The following GALNT18 variants were observed in gnomAD, a reference collection of about 807,000 sequenced individuals.
The protein encoded by GALNT18 is GalNAc-transferase 18.
A neutral mutation model predicts 69.5 loss-of-function variants in GALNT18; 44 were observed. The observed-to-expected ratio is 0.63, with a 90% CI of 0.50 to 0.81. The LOEUF (loss-of-function observed/expected upper bound fraction) is 0.81, where lower values mean the gene tolerates loss of function less well. Ranked by LOEUF, GALNT18 falls within the 40% of genes least tolerant of loss-of-function variation. GALNT18 has a pLI of 0.00. For missense variants in GALNT18, 715 were observed against 810.0 expected (o/e 0.88, Z 1.42); for synonymous variants, 364 against 318.2 (o/e 1.14, Z -1.53).
intron 1 of GALNT18, among the ~76,000 whole-genome samples, chr11:11,588,031 C>T (rs1159757720): frequency 1.3e-5 from 2 of 152,076 alleles, no homozygotes; most frequent in Non-Finnish European, 2.9e-5. Flanking sequence ...AACCCTTTCC[C>T]CAACTTTCTG....
intron 1 of GALNT18, among the ~76,000 whole-genome samples, chr11:11,479,352 G>A (rs1020017149): frequency 3.3e-5 from 5 of 152,182 alleles, no homozygotes; most frequent in Non-Finnish European, 5.9e-5. Context: ...GGAGGTATGT[G>A]TTTTAAGGAG....
At chr11:11,551,938 G>A (rs1858205663) in intron 1 of GALNT18, among the ~76,000 whole-genome samples, 1 of 152,252 alleles carries the variant, frequency 6.6e-6, no homozygotes, top group East Asian at 1.9e-4. Flanking sequence ...AAGGGTGGGG[G>A]AGATTACAAA....
At chr11:11,379,388 G>C in intron 3 of GALNT18, 124 bp from the exon 4 acceptor site, 1 of 920,690 alleles carries the variant, frequency 1.1e-6, no homozygotes, top group South Asian at 1.7e-5. Context: ...TCCCCTCCCT[G>C]GGTCTTCTTC....
In GALNT18 at chr11:11,402,379, C is replaced by T. The variant is rs561659638; in HGVS notation, c.596-23115G>A. ...GTAGACATGTTTTAATCCATGATGA[C>T]AGCTTGTCTTCAATCATAAACTGCT... On this transcript the variant is annotated intron_variant, in intron 3 of 10. Coordinates refer to ENST00000227756, the MANE Select transcript of GALNT18 (RefSeq NM_198516.3). The surrounding 1 kb of genome is among the most constrained non-coding windows in gnomAD (Gnocchi z 4.0). 7.8e-4 allele frequency among the ~76,000 whole-genome samples: 119 copies of T among 152,370 alleles called. No individual in the cohort carries two copies. Among genetic ancestry groups the T allele is most frequent in the Non-Finnish European group, 1.5e-3 (99 of 68,034 alleles).
rs756209208 is a variant in GALNT18, at chr11:11,461,385, C to G, written c.236-12449G>C. 6.6e-6 allele frequency among the ~76,000 whole-genome samples: 1 copy of G among 152,136 alleles called. No homozygotes were observed. The highest frequency in any genetic ancestry group is 1.5e-5 in the Non-Finnish European group (1 of 68,032). Reference sequence around the variant, plus strand: ...TATTAAAGGGTCAAGTTTTTACACTCCATGCCAACTATATAAAGTACATGT... The same window carrying G: ...TATTAAAGGGTCAAGTTTTTACACTGCATGCCAACTATATAAAGTACATGT... On this transcript the variant is annotated intron_variant, in intron 1 of 10. Coordinates refer to ENST00000227756, the MANE Select transcript of GALNT18 (RefSeq NM_198516.3). This position sits in a 1 kb window ranked among gnomAD's most constrained non-coding sequence, Gnocchi z 4.1.
At chr11:11,364,337 G>T (rs986755621) in intron 6 of GALNT18, among the ~76,000 whole-genome samples, 1 of 152,164 alleles carries the variant, frequency 6.6e-6, no homozygotes, top group African/African-American at 2.4e-5. Context: ...AGTAGACATC[G>T]TGTACCTCAT....
intron 3 of GALNT18, among the ~76,000 whole-genome samples, chr11:11,429,054 C>G (rs1410366119): frequency 6.6e-6 from 1 of 152,136 alleles, no homozygotes; most frequent in East Asian, 1.9e-4. Flanking sequence ...GAAAAATCTC[C>G]CCTCACTGCC....
intron 9 of GALNT18, among the ~76,000 whole-genome samples, chr11:11,300,839 C>A (rs1292452749): frequency 6.6e-6 from 1 of 152,202 alleles, no homozygotes; most frequent in African/African-American, 2.4e-5. Context: ...GGGACTGGGG[C>A]CTGGGCACGG....
chr11:11,507,489 T>TCTCTTCCTTTTCCTTCTCCCCTTC (rs1857088109), intron 1 of GALNT18, among the ~76,000 whole-genome samples: 1 of 152,182 alleles, frequency 6.6e-6, no homozygotes, highest in Non-Finnish European at 1.5e-5. Flanking sequence ...TCTGCTTTAA[T>TCTCTTCCTTTTCCTTCTCCCCTTC]CTCTTCCTTT....
intron 1 of GALNT18, among the ~76,000 whole-genome samples, chr11:11,491,223 A>C (rs1856764922): frequency 6.6e-6 from 1 of 152,188 alleles, no homozygotes; most frequent in Admixed American, 6.5e-5. Context: ...CCATTCCAGG[A>C]GCTCTGTGGC....
chr11:11,550,658 A>T (rs879334413), intron 1 of GALNT18, among the ~76,000 whole-genome samples: 11 of 152,200 alleles, frequency 7.2e-5, no homozygotes, highest in Non-Finnish European at 4.4e-5. Flanking sequence ...ATGCCATGGG[A>T]GTGTACCGTC....
chr11:11,488,340 C>CT (rs1856686885), intron 1 of GALNT18, among the ~76,000 whole-genome samples: 1 of 152,102 alleles, frequency 6.6e-6, no homozygotes, highest in Non-Finnish European at 1.5e-5. Flanking sequence ...TCCTCTTCGT[C>CT]TGTCTTCACA....
At chr11:11,316,147 A>G (rs1406641940) in intron 9 of GALNT18, among the ~76,000 whole-genome samples, 1 of 152,192 alleles carries the variant, frequency 6.6e-6, no homozygotes. Flanking sequence ...GGGTTCCCCA[A>G]TACCATTCAC....
rs144428384 is a variant in GALNT18, at chr11:11,379,706, A to G, written c.596-442T>C. Among the ~76,000 whole-genome samples, 23 of 152,300 alleles carry G rather than the reference A, an allele frequency of 1.5e-4. 1 individual carries two copies. The East Asian group carries it at 2.5e-3, about 17-fold the overall frequency. ...GGTCTCCATCTCCATCGGTGCTCCT[A>G]TAACCCCCAGGGGAAGATCCCTCTG... On this transcript the variant is annotated intron_variant, in intron 3 of 10. Transcript: ENST00000227756.
chr11:11,522,279 C>T (rs988759549), intron 1 of GALNT18, among the ~76,000 whole-genome samples: 11 of 152,194 alleles, frequency 7.2e-5, no homozygotes, highest in Non-Finnish European at 1.0e-4. Flanking sequence ...CTCTGAGAGA[C>T]GGCTGCCCAA....
Position 11,402,262 on chromosome 11 carries a change from C to G in GALNT18, c.596-22998G>C, listed in dbSNP as rs371133752. Among the ~76,000 whole-genome samples, 1 of 152,228 alleles carries G rather than the reference C, an allele frequency of 6.6e-6. No homozygotes were observed. ...ACAGAGATTGTCTTAAACGATCCAG[C>G]CTGGTGGAATTAGATTTCTTTCCTC... On this transcript the variant is annotated intron_variant, in intron 3 of 10. Coordinates refer to ENST00000227756, the MANE Select transcript of GALNT18 (RefSeq NM_198516.3). This position sits in a 1 kb window ranked among gnomAD's most constrained non-coding sequence, Gnocchi z 4.0.
Position 11,383,593 on chromosome 11 carries a change from G to GA in GALNT18, c.596-4330dup, listed in dbSNP as rs1853973097. ...TCCCACATCTTCTCTAGGTTTTGGGGACATAGAAATGAAGTGAGAGTTCAC... is the reference window on the plus strand; with the variant it reads ...TCCCACATCTTCTCTAGGTTTTGGGGAACATAGAAATGAAGTGAGAGTTCAC... On this transcript the variant is annotated intron_variant, in intron 3 of 10. Transcript: ENST00000227756. This position sits in a 1 kb window ranked among gnomAD's most constrained non-coding sequence, Gnocchi z 5.2. Among the ~76,000 whole-genome samples the GA allele has an allele frequency of 6.6e-6, 1 of 152,108 alleles. No individual in the cohort carries two copies. The highest frequency in any genetic ancestry group is 2.4e-5 in the African/African-American group (1 of 41,412).
intron 3 of GALNT18, among the ~76,000 whole-genome samples, chr11:11,379,735 A>G (rs990502110): frequency 6.6e-6 from 1 of 152,160 alleles, no homozygotes; most frequent in African/African-American, 2.4e-5. Context: ...CCCTCTGCCA[A>G]GACCCCAGCC....
At chr11:11,448,028 G>A (rs1855698361) in intron 2 of GALNT18, among the ~76,000 whole-genome samples, 2 of 152,198 alleles carry the variant, frequency 1.3e-5, no homozygotes, top group South Asian at 2.1e-4. Flanking sequence ...CAATTATACA[G>A]TATACAGCAG....
Sources: allele counts gnomAD v4.1 joint callset (sites outside exome capture counted in the v4.1 genomes callset), GRCh38; gene constraint gnomAD v4.1.1; non-coding constraint Gnocchi (gnomAD v3.1); transcripts MANE v1.5; gene names NCBI Gene and HGNC (gene_info 2026-07-23, HGNC 2026-07-21).